Variants in RNF8 observed in about 807,000 individuals in gnomAD.
The protein encoded by RNF8 is E3 ubiquitin-protein ligase RNF8.
Under a neutral mutation model 59.3 loss-of-function variants are expected in RNF8, and 8 were observed. The ratio of observed to expected loss-of-function variants is 0.13; its 90% CI spans 0.08 to 0.24. RNF8 has a LOEUF of 0.24. Ranked by LOEUF, RNF8 falls within the 10% of genes least tolerant of loss-of-function variation. The pLI is 1.00. For missense variants in RNF8, 406 were observed against 572.6 expected (o/e 0.71, Z 2.97); for synonymous variants, 162 against 200.0 (o/e 0.81, Z 1.60).
chr6:37,368,930 G>A lies in RNF8; in HGVS notation c.687G>A (p.Glu229=), dbSNP rs370264616. ...PIYPGFPKVT[E]VHHEQKASNS... ...ACCCTGGCTTCCCCAAAGTCACAGA[G>A]GTTCATCATGAGCAGAAAGCCTCAA... The change falls in exon 3 of 8, where the codon GAG becomes GAA. Residue 229 remains glutamate, a synonymous_variant. Transcript: ENST00000373479. The A allele has an allele frequency of 3.2e-5, 51 of 1,614,034 alleles. 1 individual carries two copies. Among genetic ancestry groups the A allele is most frequent in the Non-Finnish European group, 8.5e-7 (1 of 1,180,046 alleles).
At chr6:37,367,639 A>G (rs1434487391) in intron 2 of RNF8, among the ~76,000 whole-genome samples, 1 of 152,174 alleles carries the variant, frequency 6.6e-6, no homozygotes, top group Non-Finnish European at 1.5e-5. Flanking sequence ...CCTGGCCTCA[A>G]GTGATCCGCA....
chr6:37,367,906 C>T (rs1418444621), intron 2 of RNF8, among the ~76,000 whole-genome samples: 1 of 152,184 alleles, frequency 6.6e-6, no homozygotes, highest in Non-Finnish European at 1.5e-5. Flanking sequence ...TCCAGAGCTC[C>T]AGCTCTTAAC....
chr6:37,373,881 C>A (rs986097339), intron 4 of RNF8, among the ~76,000 whole-genome samples: 17 of 152,096 alleles, frequency 1.1e-4, no homozygotes, highest in Non-Finnish European at 2.4e-4. Context: ...TTTACTCCAC[C>A]TTCTTTTAAA....
intron 7 of RNF8, among the ~76,000 whole-genome samples, chr6:37,383,538 A>G (rs1253719510): frequency 2.0e-5 from 3 of 152,236 alleles, no homozygotes; most frequent in African/African-American, 7.2e-5. Flanking sequence ...GCCTGTGGCC[A>G]CAGGGTGTTG....
At chr6:37,385,096 C>T (rs1231305941) in intron 7 of RNF8, among the ~76,000 whole-genome samples, 1 of 151,904 alleles carries the variant, frequency 6.6e-6, no homozygotes, top group Non-Finnish European at 1.5e-5. Flanking sequence ...TTACCACAAC[C>T]TCCGCCTCCC....
In RNF8 at chr6:37,354,031, C is replaced by G. The variant is rs195420; in HGVS notation, c.-134C>G. The G allele has an allele frequency of 0.14, 112,228 of 789,000 alleles. 14,979 individuals carry two copies. Among genetic ancestry groups the G allele is most frequent in the African/African-American group, 0.58 (33,294 of 57,454 alleles). 48.9% of individuals were successfully genotyped at this position (789,000 alleles called of 1,614,324 possible). On this transcript the variant is annotated 5_prime_UTR_variant, in exon 1 of 8. Coordinates refer to ENST00000373479, the MANE Select transcript of RNF8 (RefSeq NM_003958.4). ...AGGGCGGGCGAGCGGAGCCTGCTTTCGCAGCGATCGCGAGCGTGTGGCGAT... is the reference window on the plus strand; with the variant it reads ...AGGGCGGGCGAGCGGAGCCTGCTTTGGCAGCGATCGCGAGCGTGTGGCGAT...
intron 3 of RNF8, chr6:37,369,983 G>A (rs920670774): frequency 2.6e-5 from 4 of 152,204 alleles, no homozygotes; most frequent in African/African-American, 9.7e-5. Context: ...GGCTAGAGCA[G>A]ATCCTGTCCC....
intron 3 of RNF8, 147 bp downstream of exon 3, chr6:37,369,365 G>C (rs1769703086): frequency 9.9e-7 from 1 of 1,008,692 alleles, no homozygotes; most frequent in Non-Finnish European, 1.4e-6. Flanking sequence ...GTAAACTTTT[G>C]AGATAAGGGA....
intron 5 of RNF8, 44 bp downstream of exon 5, chr6:37,374,753 C>A: frequency 1.4e-6 from 2 of 1,410,756 alleles, no homozygotes; most frequent in Non-Finnish European, 2.0e-6. Flanking sequence ...TTAGTGCATG[C>A]AACTCAGCAT....
rs1770712437 is a variant in RNF8 at position 37,391,032 on chromosome 6, G to C, written c.*274G>C. ...TCACTACATGTCGAAAGAGTTATTT[G>C]AGTTCTCTTCTGTTTTTTTTTAATT... On this transcript the variant is annotated 3_prime_UTR_variant, in exon 8 of 8. Coordinates refer to ENST00000373479, the MANE Select transcript of RNF8 (RefSeq NM_003958.4). 1.7e-6 allele frequency: 1 copy of C among 572,856 alleles called. No individual in the cohort carries two copies. The allele number at this position is 572,856 out of a possible 1,614,324, so 35.5% of individuals were successfully genotyped here.
intron 1 of RNF8, among the ~76,000 whole-genome samples, chr6:37,356,828 T>A (rs1248735330): frequency 6.6e-6 from 1 of 152,144 alleles, no homozygotes; most frequent in Non-Finnish European, 1.5e-5. Flanking sequence ...CACCTTCACC[T>A]CCCTGGTTCA....
Position 37,392,091 on chromosome 6 carries a change from A to T in RNF8, c.*1333A>T. On this transcript the variant is annotated 3_prime_UTR_variant, in exon 8 of 8. Transcript: ENST00000373479. The stretch of plus-strand genomic sequence containing the variant: ...AGTCTTCATTTCCATTCTTCTGCCC[A>T]TGATTACTGATCAAAATACTGGTAG... 1 of 175,636 alleles carries T rather than the reference A, an allele frequency of 5.7e-6. No individual in the cohort carries two copies. The highest frequency in any genetic ancestry group is 1.2e-5 in the Non-Finnish European group (1 of 84,224). 10.9% of individuals were successfully genotyped at this position (175,636 alleles called of 1,614,324 possible). A position where few individuals can be genotyped will look rare whatever the true frequency, so the allele number is the denominator to read the frequency against.
At chr6:37,388,203 T>C (rs1770588849) in intron 7 of RNF8, among the ~76,000 whole-genome samples, 1 of 152,066 alleles carries the variant, frequency 6.6e-6, no homozygotes, top group Non-Finnish European at 1.5e-5. Context: ...AAGAGGTAGT[T>C]AAGGAGGTAG....
chr6:37,386,882 A>G (rs1457907026), intron 7 of RNF8, among the ~76,000 whole-genome samples: 1 of 151,682 alleles, frequency 6.6e-6, no homozygotes, highest in Non-Finnish European at 1.5e-5. Flanking sequence ...CCCTTTTTTG[A>G]TTTTTAGTGA....
chr6:37,390,665 C>A, intron 7 of RNF8, 77 bp from the exon 8 acceptor site: 1 of 1,060,342 alleles, frequency 9.4e-7, no homozygotes. Context: ...GACAGGGTGG[C>A]GAGGCTGGAA....
At chr6:37,363,435 A>G (rs758372151) in intron 2 of RNF8, among the ~76,000 whole-genome samples, 8 of 152,240 alleles carry the variant, frequency 5.3e-5, no homozygotes, top group Non-Finnish European at 8.8e-5. Flanking sequence ...GAACTCCAAT[A>G]AGAAAAAGAC....
At chr6:37,387,471 G>A (rs1238581815) in intron 7 of RNF8, among the ~76,000 whole-genome samples, 1 of 152,126 alleles carries the variant, frequency 6.6e-6, no homozygotes, top group Admixed American at 6.6e-5. Flanking sequence ...CTCCCTAGTA[G>A]CTGGGGCTAC....
Position 37,360,700 on chromosome 6 carries a change from C to T in RNF8, c.240+126C>T. 1 of 961,804 alleles carries T rather than the reference C, an allele frequency of 1.0e-6. No individual in the cohort carries two copies. Among genetic ancestry groups the T allele is most frequent in the South Asian group, 1.9e-5 (1 of 53,072 alleles). The allele number at this position is 961,804 out of a possible 1,614,324, so 59.6% of individuals were successfully genotyped here. On this transcript the variant is annotated intron_variant, in intron 2 of 7. Transcript: ENST00000373479. The surrounding 1 kb of genome is among the most constrained non-coding windows in gnomAD (Gnocchi z 4.2). The stretch of plus-strand genomic sequence containing the variant: ...CTTCTTCTTTCCTAGCCATCCAGTT[C>T]CCTTTTCCAGAGGCAGCCACTTCCA...
At chr6:37,371,801 G>T (rs1245611788) in intron 4 of RNF8, among the ~76,000 whole-genome samples, 1 of 152,178 alleles carries the variant, frequency 6.6e-6, no homozygotes, top group Admixed American at 6.5e-5. Context: ...AGCAGAAGTT[G>T]CTCTGGTGAA....
Sources: gnomAD v4.1 joint callset for allele counts (sites outside exome capture counted in the v4.1 genomes callset) on GRCh38, gnomAD v4.1.1 for gene constraint, Gnocchi (gnomAD v3.1) non-coding constraint, MANE v1.5 for transcripts, NCBI Gene and HGNC (gene_info 2026-07-23, HGNC 2026-07-21) for gene names.